Variants in EGFLAM observed in about 807,000 individuals in gnomAD.
EGFLAM encodes pikachurin.
Under a neutral mutation model 113.1 loss-of-function variants are expected in EGFLAM, and 79 were observed. The ratio of observed to expected loss-of-function variants is 0.70; its 90% CI spans 0.58 to 0.84. The LOEUF (loss-of-function observed/expected upper bound fraction) is 0.84, where lower values mean the gene tolerates loss of function less well. Ranked by LOEUF, EGFLAM falls within the 40% of genes least tolerant of loss-of-function variation. EGFLAM has a pLI of 0.00. For synonymous variants in EGFLAM, 504 were observed against 487.6 expected (o/e 1.03, Z -0.44); for missense variants, 1,265 against 1,291.6 (o/e 0.98, Z 0.32).
chr5:38,380,324 C>T (rs540550240), intron 6 of EGFLAM, among the ~76,000 whole-genome samples: 7 of 152,330 alleles, frequency 4.6e-5, no homozygotes, highest in African/African-American at 1.4e-4. Context: ...TACTAATGAA[C>T]TTGTTCCCTT....
At chr5:38,261,518 G>A (rs1284883096) in intron 1 of EGFLAM, among the ~76,000 whole-genome samples, 5 of 152,264 alleles carry the variant, frequency 3.3e-5, no homozygotes, top group Admixed American at 6.5e-5. Context: ...ACTAGTAAGC[G>A]GTGGAATGGA....
intron 6 of EGFLAM, among the ~76,000 whole-genome samples, chr5:38,385,278 A>ACCCCCCCC (rs1232044947): frequency 2.4e-5 from 1 of 41,010 alleles, no homozygotes; most frequent in Non-Finnish European, 4.9e-5. Flanking sequence ...TTTCCCACCC[A>ACCCCCCCC]CCCCCCCCCC....
At chr5:38,263,994 G>A (rs558767283) in intron 1 of EGFLAM, among the ~76,000 whole-genome samples, 6 of 152,276 alleles carry the variant, frequency 3.9e-5, no homozygotes, top group African/African-American at 1.4e-4. Flanking sequence ...AGTAGATAGG[G>A]TATAGATCGT....
At chr5:38,393,834 T>C (rs758386483) in intron 6 of EGFLAM, among the ~76,000 whole-genome samples, 2 of 152,242 alleles carry the variant, frequency 1.3e-5, no homozygotes, top group Admixed American at 6.5e-5. Context: ...ACCAGCTTAG[T>C]AGAGGGTCAG....
intron 3 of EGFLAM, among the ~76,000 whole-genome samples, chr5:38,343,249 C>A (rs976484250): frequency 3.3e-5 from 5 of 151,654 alleles, no homozygotes; most frequent in South Asian, 4.2e-4. Flanking sequence ...ACTAAAACTA[C>A]AAAAAAATTA....
rs1161811503 is a variant in EGFLAM at position 38,463,872 on chromosome 5, T to C, written c.2916T>C (p.Tyr972=). The C allele has an allele frequency of 3.7e-6, 6 of 1,614,074 alleles. 1 individual carries two copies. Among genetic ancestry groups the C allele is most frequent in the South Asian group, 3.3e-5 (3 of 91,086 alleles). ...TTGCTCTGCACACTAACAGGCAATATATGAGAGGGCTCGTGGGCTGTATCT... is the reference window on the plus strand; with the variant it reads ...TTGCTCTGCACACTAACAGGCAATACATGAGAGGGCTCGTGGGCTGTATCT... ...KEIALHTNRQ[Y]MRGLVGCISH... is the part of the protein sequence containing the mutation. Residue 972 remains tyrosine (Y), a synonymous_variant, in exon 22 of 22, where the codon TAT becomes TAC. Coordinates refer to ENST00000322350, the MANE Select transcript of EGFLAM (RefSeq NM_152403.4).
intron 5 of EGFLAM, among the ~76,000 whole-genome samples, chr5:38,357,645 A>G (rs1739797461): frequency 6.6e-6 from 1 of 152,170 alleles, no homozygotes; most frequent in South Asian, 2.1e-4. Context: ...CTGGCAGGCC[A>G]AGGCTAGGAA....
intron 11 of EGFLAM, among the ~76,000 whole-genome samples, chr5:38,415,748 G>C (rs1741620040): frequency 6.6e-6 from 1 of 152,146 alleles, no homozygotes; most frequent in Admixed American, 6.5e-5. Flanking sequence ...GAAGAAAAGA[G>C]GTTTAATTGA....
At chr5:38,403,552 C>A (rs149755452) in intron 6 of EGFLAM, 1 of 315,974 alleles carries the variant, frequency 3.2e-6, no homozygotes, top group East Asian at 6.1e-5. Flanking sequence ...ACAACTGAGA[C>A]GGCTGCAGAC....
intron 6 of EGFLAM, among the ~76,000 whole-genome samples, chr5:38,373,353 C>T (rs1338885005): frequency 6.6e-6 from 1 of 152,176 alleles, no homozygotes; most frequent in Non-Finnish European, 1.5e-5. Flanking sequence ...GTGTACCCAT[C>T]ACCCAAATAG....
At position 38,269,731 on chromosome 5, in the gene EGFLAM, C is replaced by T. The variant is rs192597776; in HGVS notation, c.97+10880C>T. On this transcript the variant is annotated intron_variant, in intron 1 of 21. Transcript: ENST00000322350. ...GTCTCGATCTCCTGACCTCATGATC[C>T]GCCCGCCTCGGCCTCCCAAAGTGCT... 3.1e-3 allele frequency among the ~76,000 whole-genome samples: 474 copies of T among 152,226 alleles called. 4 individuals are homozygous for T. The highest frequency in any genetic ancestry group is 5.0e-3 in the Non-Finnish European group (337 of 68,008).
rs1272387053 is a variant in EGFLAM, at chr5:38,448,323, C to A, written c.2487C>A (p.Ile829=). 6.2e-7 allele frequency: 1 copy of A among 1,614,046 alleles called. No individual in the cohort carries two copies. Among genetic ancestry groups the A allele is most frequent in the East Asian group, 2.2e-5 (1 of 44,896 alleles). Residue 829 remains isoleucine, a synonymous_variant, in exon 18 of 22, where the codon ATC becomes ATA. Transcript: ENST00000322350. The stretch of plus-strand genomic sequence containing the variant: ...CAGCGATCATAGAAGCCATTGAGAT[C>A]CCGCAGTTTATCGGCCGCAGTTACC... The part of the protein sequence containing the change: ...CQKAIIEAIE[I]PQFIGRSYLT...
intron 1 of EGFLAM, among the ~76,000 whole-genome samples, chr5:38,293,876 G>A (rs1758394934): frequency 6.6e-6 from 1 of 152,106 alleles, no homozygotes. Context: ...ATGCACATAG[G>A]AATTAAGACC....
intron 5 of EGFLAM, among the ~76,000 whole-genome samples, chr5:38,365,595 A>G (rs926016203): frequency 6.6e-5 from 10 of 152,214 alleles, no homozygotes; most frequent in East Asian, 1.9e-4. Context: ...ACAGCACTTC[A>G]GTGAGTGGCA....
intron 12 of EGFLAM, 99 bp from the exon 13 acceptor site, chr5:38,424,867 TG>T: frequency 6.8e-7 from 1 of 1,465,768 alleles, no homozygotes; most frequent in South Asian, 1.5e-5. Flanking sequence ...AGAACTGAAA[TG>T]TATTTATTCA....
At chr5:38,408,796 C>T (rs1741376369) in intron 9 of EGFLAM, among the ~76,000 whole-genome samples, 1 of 152,136 alleles carries the variant, frequency 6.6e-6, no homozygotes. Context: ...TCACTGCTAC[C>T]CCTCAGTTTA....
chr5:38,280,425 G>C (rs1452604515), intron 1 of EGFLAM, among the ~76,000 whole-genome samples: 2 of 152,140 alleles, frequency 1.3e-5, no homozygotes, highest in African/African-American at 2.4e-5. Context: ...TGGCTTCTTT[G>C]GGTTTAGCCA....
chr5:38,445,512 C>G, intron 17 of EGFLAM: 5 of 1,523,804 alleles, frequency 3.3e-6, no homozygotes, highest in Non-Finnish European at 4.4e-6. Flanking sequence ...TGGTTCCCCG[C>G]GGGGCTCATA....
At chr5:38,272,095 G>A (rs1757779235) in intron 1 of EGFLAM, among the ~76,000 whole-genome samples, 1 of 152,166 alleles carries the variant, frequency 6.6e-6, no homozygotes, top group Non-Finnish European at 1.5e-5. Context: ...TCACTTTGAA[G>A]CAATATATAA....
Sources: gnomAD v4.1 joint callset for allele counts (sites outside exome capture counted in the v4.1 genomes callset) on GRCh38, gnomAD v4.1.1 for gene constraint, MANE v1.5 for transcripts, NCBI Gene and HGNC (gene_info 2026-07-23, HGNC 2026-07-21) for gene names.